Variants in GRK3 observed in about 807,000 individuals in gnomAD.
GRK3 encodes adrenergic, beta, receptor kinase 2.
Under a neutral mutation model 95.7 loss-of-function variants are expected in GRK3, and 54 were observed. That is an observed-to-expected ratio of 0.56 (90% CI 0.45 to 0.71). The LOEUF (loss-of-function observed/expected upper bound fraction) is 0.71. GRK3 is among the 30% of genes least tolerant of loss of function. The pLI is 0.00. For missense variants in GRK3, 649 were observed against 851.2 expected, an observed-to-expected ratio of 0.76 and a Z score of 2.96; for synonymous variants, 281 against 290.8, an observed-to-expected ratio of 0.97 and a Z score of 0.34.
Position 25,711,139 on chromosome 22 carries a change from T to C in GRK3, c.1467T>C (p.Asp489=). ...ATGCCTTTGATATTGGCTCATTTGA[T>C]GAAGAGGATACCAAAGGGATTAAGG... is the stretch of plus-strand genomic sequence containing the variant. ...AADAFDIGSF[D]EEDTKGIKLL... is the part of the protein sequence containing the mutation. The change falls in exon 17 of 21, where the codon GAT becomes GAC. Residue 489 remains aspartate, a synonymous_variant. Transcript: ENST00000324198. 6.2e-7 allele frequency: 1 copy of C among 1,612,578 alleles called. No individual in the cohort carries two copies. The highest frequency in any genetic ancestry group is 1.1e-5 in the South Asian group (1 of 90,966).
At position 25,687,676 on chromosome 22, in the gene GRK3, G is replaced by A. The variant is rs201458533; in HGVS notation, c.957+9G>A. 9 of 1,613,870 alleles carry A rather than the reference G, an allele frequency of 5.6e-6. No homozygotes were observed. The highest frequency in any genetic ancestry group is 6.8e-6 in the Non-Finnish European group (8 of 1,179,930). ...TCTACAGAGATTTGAAGGTGAGGAC[G>A]ATTGACAGACTCATTCTGCATAGTA... On this transcript the variant is annotated intron_variant, in intron 11 of 20. Transcript: ENST00000324198.
chr22:25,694,985 T>C (rs2085195498), intron 12 of GRK3, 122 bp from the exon 13 acceptor site: 1 of 628,946 alleles, frequency 1.6e-6, no homozygotes, highest in Non-Finnish European at 2.8e-6. Flanking sequence ...GAAGCACAAC[T>C]GTCCCCTCTC....
At chr22:25,566,032 T>A (rs1430478989) in intron 1 of GRK3, among the ~76,000 whole-genome samples, 1 of 152,176 alleles carries the variant, frequency 6.6e-6, no homozygotes, top group Non-Finnish European at 1.5e-5. Context: ...CTAGTAAAAT[T>A]TTTTCTAGTT....
intron 1 of GRK3, among the ~76,000 whole-genome samples, chr22:25,601,155 C>T (rs2084407047): frequency 6.6e-6 from 1 of 152,100 alleles, no homozygotes; most frequent in African/African-American, 2.4e-5. Flanking sequence ...CACTATCAAC[C>T]AACTTGACCC....
intron 2 of GRK3, among the ~76,000 whole-genome samples, chr22:25,629,659 T>C (rs1478423278): frequency 6.6e-6 from 1 of 152,096 alleles, no homozygotes; most frequent in African/African-American, 2.4e-5. Flanking sequence ...ATTTGCATGG[T>C]AGAGGTACAG....
chr22:25,602,170 C>T (rs2084413869), intron 1 of GRK3, among the ~76,000 whole-genome samples: 1 of 152,182 alleles, frequency 6.6e-6, no homozygotes. Flanking sequence ...TGTCTACACA[C>T]CTCTAAAAAG....
At chr22:25,645,744 A>G (rs1228959663) in intron 3 of GRK3, among the ~76,000 whole-genome samples, 2 of 152,084 alleles carry the variant, frequency 1.3e-5, no homozygotes, top group African/African-American at 4.8e-5. Flanking sequence ...AACATGGTGA[A>G]ACCCCGTCTC....
At chr22:25,689,930 G>C (rs967605919) in intron 11 of GRK3, among the ~76,000 whole-genome samples, 2 of 152,176 alleles carry the variant, frequency 1.3e-5, no homozygotes, top group African/African-American at 2.4e-5. Flanking sequence ...CAACATTCCT[G>C]TGTTACCTGC....
intron 6 of GRK3, among the ~76,000 whole-genome samples, chr22:25,669,573 T>C (rs1244711399): frequency 6.6e-6 from 1 of 152,228 alleles, no homozygotes; most frequent in Non-Finnish European, 1.5e-5. Context: ...CCTGAAGCCC[T>C]ATCATTGTCT....
chr22:25,672,777 C>CT (rs2084993442), intron 7 of GRK3, among the ~76,000 whole-genome samples: 1 of 152,080 alleles, frequency 6.6e-6, no homozygotes, highest in African/African-American at 2.4e-5. Context: ...GCTTCATCTT[C>CT]TTTTTTATCA....
chr22:25,673,309 G>A (rs1407758621), intron 7 of GRK3, among the ~76,000 whole-genome samples: 2 of 151,916 alleles, frequency 1.3e-5, no homozygotes, highest in Non-Finnish European at 2.9e-5. Flanking sequence ...TGATCAGCCC[G>A]CCTCGGCCTC....
At chr22:25,579,217 TG>T (rs1932013346) in intron 1 of GRK3, among the ~76,000 whole-genome samples, 1 of 151,058 alleles carries the variant, frequency 6.6e-6, no homozygotes, top group East Asian at 1.9e-4. Flanking sequence ...AGTACAGTAG[TG>T]GTGTGATCAC....
At chr22:25,709,805 C>A in intron 15 of GRK3, 93 bp from the exon 16 acceptor site, 1 of 829,058 alleles carries the variant, frequency 1.2e-6, no homozygotes, top group Non-Finnish European at 2.0e-6. Flanking sequence ...GAAATACTTG[C>A]TCCCCTGTAT....
intron 1 of GRK3, among the ~76,000 whole-genome samples, chr22:25,579,510 T>TC (rs1601448006): frequency 6.6e-6 from 1 of 151,750 alleles, no homozygotes; most frequent in East Asian, 1.9e-4. Context: ...TCTCACTCTG[T>TC]CCCCCAGGCT....
chr22:25,622,664 T>C (rs1459693100), intron 2 of GRK3, among the ~76,000 whole-genome samples: 2 of 152,158 alleles, frequency 1.3e-5, no homozygotes, highest in Admixed American at 1.3e-4. Context: ...CATTCTAGCC[T>C]CTTTATGAAG....
At chr22:25,596,159 T>C (rs1337009369) in intron 1 of GRK3, among the ~76,000 whole-genome samples, 1 of 152,198 alleles carries the variant, frequency 6.6e-6, no homozygotes, top group African/African-American at 2.4e-5. Context: ...GCTAAATTTG[T>C]TGATTGTTTT....
chr22:25,622,217 C>T (rs1263825841), intron 2 of GRK3, among the ~76,000 whole-genome samples: 2 of 152,156 alleles, frequency 1.3e-5, no homozygotes, highest in Non-Finnish European at 2.9e-5. Flanking sequence ...CTAAGGAACA[C>T]TGGCAGAGAA....
intron 15 of GRK3, among the ~76,000 whole-genome samples, chr22:25,708,563 G>A (rs1045706931): frequency 6.6e-6 from 1 of 152,300 alleles, no homozygotes; most frequent in South Asian, 2.1e-4. Context: ...CCAAGAAGCA[G>A]CCCTGAGCTG....
rs115274036 is a variant in GRK3 at position 25,572,785 on chromosome 22, T to C, written c.113+7632T>C. Among the ~76,000 whole-genome samples the C allele has an allele frequency of 6.4e-3, 971 of 152,348 alleles. 17 individuals carry two copies. Among genetic ancestry groups the C allele is most frequent in the African/African-American group, 0.022 (926 of 41,576 alleles). ...CAGAAAAATGAACCAAAAATCATGA[T>C]CTGAAAGCAGCTGGCTTCATTGTAT... On this transcript the variant is annotated intron_variant, in intron 1 of 20. Coordinates refer to ENST00000324198, the MANE Select transcript of GRK3 (RefSeq NM_005160.4).
Sources: gnomAD v4.1 joint callset for allele counts (sites outside exome capture counted in the v4.1 genomes callset) on GRCh38, gnomAD v4.1.1 for gene constraint, MANE v1.5 for transcripts, NCBI Gene and HGNC (gene_info 2026-07-23, HGNC 2026-07-21) for gene names.